Variants in GIT1 observed in about 807,000 individuals in gnomAD.
The protein encoded by GIT1 is ARF GTPase-activating protein GIT1.
Under a neutral mutation model 91.7 loss-of-function variants are expected in GIT1, and 14 were observed. The observed-to-expected ratio is 0.15, with a 90% CI of 0.10 to 0.24. The LOEUF (loss-of-function observed/expected upper bound fraction) is 0.24, where lower values mean the gene tolerates loss of function less well. GIT1 is among the 10% of genes least tolerant of loss of function. GIT1 has a pLI of 1.00. For synonymous variants in GIT1, 414 were observed against 418.2 expected (o/e 0.99, Z 0.12); for missense variants, 717 against 1,024.9 (o/e 0.70, Z 4.10).
At chr17:29,580,863 C>T (rs1222403671) in intron 7 of GIT1, among the ~76,000 whole-genome samples, 1 of 152,034 alleles carries the variant, frequency 6.6e-6, no homozygotes, top group African/African-American at 2.4e-5. Flanking sequence ...TCACCGCAAC[C>T]TCTACCTCCT....
intron 7 of GIT1, chr17:29,580,910 A>G: frequency 5.0e-6 from 1 of 199,714 alleles, no homozygotes; most frequent in Non-Finnish European, 1.1e-5. Context: ...CCTCCCGAGT[A>G]GCTGAGATAC....
intron 1 of GIT1, among the ~76,000 whole-genome samples, chr17:29,586,565 C>T (rs1421537257): frequency 1.3e-5 from 2 of 149,292 alleles, no homozygotes; most frequent in Admixed American, 1.3e-4. Context: ...GAAGAGGAGC[C>T]CAACATTTGT....
At chr17:29,582,573 A>T in intron 4 of GIT1, 125 bp downstream of exon 4, 1 of 678,960 alleles carries the variant, frequency 1.5e-6, no homozygotes. Context: ...CACCCTGTCT[A>T]CTGTTACCCT....
Position 29,573,591 on chromosome 17 carries a change from G to C in GIT1, c.*1111C>G, listed in dbSNP as rs2033066921. On this transcript the variant is annotated 3_prime_UTR_variant, in exon 20 of 20. Transcript: ENST00000225394. ...AAGAAGCGGGATGGGGAGAGAGCTG[G>C]TGGGTCCCACCGTCTGCCTCTCCAG... 6.6e-6 allele frequency: 1 copy of C among 152,634 alleles called. No homozygotes were observed. Among genetic ancestry groups the C allele is most frequent in the Non-Finnish European group, 1.5e-5 (1 of 68,176 alleles). 9.5% of individuals were successfully genotyped at this position (152,634 alleles called of 1,614,324 possible).
chr17:29,576,991 G>A lies in GIT1; in HGVS notation c.1099C>T (p.Leu367Phe), dbSNP rs760678265. 14 of 1,603,262 alleles carry A rather than the reference G, an allele frequency of 8.7e-6. No homozygotes were observed. The highest frequency in any genetic ancestry group is 3.3e-5 in the Admixed American group (2 of 59,952). ...GKSLSSPTDN[L>F]ELSLRSQSDL... ...CTCTGGCTCCGCAGAGACAGCTCGA[G>A]GTTGTCTGAGGACACAGGAGTGTCA... The change falls in exon 12 of 20, where the codon CTC (leucine) becomes TTC (phenylalanine). Residue 367 changes from leucine (L) to phenylalanine (F), a missense_variant. Physicochemically the swap from Leu to Phe is conservative, Grantham distance 22. Coordinates refer to ENST00000225394, the MANE Select transcript of GIT1 (RefSeq NM_014030.4).
rs753882434 is a variant in GIT1 at position 29,576,061 on chromosome 17, G to A, written c.1665+17C>T. ...AGAACCTACTGGCTAAGATGGACACGCCTTCCCCAGGCTTACCCGGTAAAG... is the reference window on the plus strand; with the variant it reads ...AGAACCTACTGGCTAAGATGGACACACCTTCCCCAGGCTTACCCGGTAAAG... On this transcript the variant is annotated intron_variant, in intron 15 of 19. Transcript: ENST00000225394. 84 of 1,612,570 alleles carry A rather than the reference G, an allele frequency of 5.2e-5. No individual in the cohort carries two copies. The African/African-American group carries it at 8.8e-4, about 17-fold the overall frequency.
In GIT1 at chr17:29,576,116, C is replaced by T. The variant is rs1166333111; in HGVS notation, c.1627G>A (p.Ala543Thr). ...PFHSTELEDD[A>T]IYSVHVPAGL... The stretch of plus-strand genomic sequence containing the variant: ...GCAGGGACGTGCACTGAATAGATGG[C>T]GTCGTCCTCTAGCTCCTGGGGATGT... Residue 543 changes from alanine to threonine, a missense_variant, in exon 15 of 20, where the codon GCC (alanine) becomes ACC (threonine). Physicochemically the swap from Ala to Thr is moderately conservative, Grantham distance 58. This residue lies in a region of GIT1 where 312 missense variants were observed against 349.5 expected (regional missense o/e 0.89). Transcript: ENST00000225394. The T allele has an allele frequency of 3.1e-6, 5 of 1,613,644 alleles. No individual in the cohort carries two copies. Among genetic ancestry groups the T allele is most frequent in the African/African-American group, 2.7e-5 (2 of 74,904 alleles).
rs567330346 is a variant in GIT1, at chr17:29,588,704, G to T, written c.52+623C>A. Among the ~76,000 whole-genome samples, 3 of 152,330 alleles carry T rather than the reference G, an allele frequency of 2.0e-5. No homozygotes were observed. In the South Asian group the frequency reaches 6.2e-4, roughly 32 times the overall value. ...CAGCAGGCCTGGGGATGCCTCCCGA[G>T]AAGACACCCGGGTCTAGACTGGCCC... On this transcript the variant is annotated intron_variant, in intron 1 of 19. Coordinates refer to ENST00000225394, the MANE Select transcript of GIT1 (RefSeq NM_014030.4).
rs760872380 is a variant in GIT1, at chr17:29,577,173, C to T, written c.1056G>A (p.Lys352=). 1.9e-6 allele frequency: 3 copies of T among 1,614,006 alleles called. No homozygotes were observed. Among genetic ancestry groups the T allele is most frequent in the Non-Finnish European group, 1.7e-6 (2 of 1,180,008 alleles). The change falls in exon 11 of 20, where the codon AAG becomes AAA. Residue 352 remains lysine, a synonymous_variant. Coordinates refer to ENST00000225394, the MANE Select transcript of GIT1 (RefSeq NM_014030.4). ...TCAGGCTCTTGCCCTGCTGTCTCCG[C>T]TTGGCCTCACTGAGAATGTCGATGA... ...TLIIDILSEA[K]RRQQGKSLSS... is the part of the protein sequence containing the mutation.
At chr17:29,577,862 A>G in intron 9 of GIT1, 120 bp from the exon 10 acceptor site, 1 of 684,216 alleles carries the variant, frequency 1.5e-6, no homozygotes, top group East Asian at 2.7e-5. Context: ...TGGTGTTCAG[A>G]ACAGGGGTGG....
rs2033478531 is a variant in GIT1 at position 29,583,592 on chromosome 17, C to T, written c.77G>A (p.Arg26Lys). ...GCACTCGTCACACACCAGCACACCC[C>T]TGCTGATGGATGCCCAGCCAGGGTC... ...APDPGWASIS[R>K]GVLVCDECCS... The change falls in exon 2 of 20, where the codon AGG becomes AAG. Residue 26 changes from arginine to lysine, a missense_variant. Arg to Lys is a conservative substitution (Grantham distance 26). Around this residue, in one of 3 missense-constraint regions of GIT1, gnomAD observed 271 missense variants for 451.6 expected, o/e 0.60. Coordinates refer to ENST00000225394, the MANE Select transcript of GIT1 (RefSeq NM_014030.4). 2 of 1,602,158 alleles carry T rather than the reference C, an allele frequency of 1.2e-6. No individual in the cohort carries two copies. Among genetic ancestry groups the T allele is most frequent in the Non-Finnish European group, 1.7e-6 (2 of 1,175,712 alleles).
At position 29,576,956 on chromosome 17, in the gene GIT1, G is replaced by T; in HGVS notation, c.1134C>A (p.Asp378Glu). Residue 378 changes from aspartate to glutamate, a missense_variant, in exon 12 of 20, where the codon GAC becomes GAA. Physicochemically the swap from Asp to Glu is conservative, Grantham distance 45. Around this residue, in one of 3 missense-constraint regions of GIT1, gnomAD observed 312 missense variants for 349.5 expected, o/e 0.89. Transcript: ENST00000225394. ...ELSLRSQSDL[D>E]DQHDYDSVAS... The stretch of plus-strand genomic sequence containing the variant: ...CCACGCTGTCGTAGTCGTGTTGGTC[G>T]TCGAGGTCACTCTGGCTCCGCAGAG... 6.2e-7 allele frequency: 1 copy of T among 1,600,188 alleles called. No individual in the cohort carries two copies.
At chr17:29,583,151 C>A (rs2033461309) in intron 2 of GIT1, 114 bp from the exon 3 acceptor site, 2 of 712,916 alleles carry the variant, frequency 2.8e-6, no homozygotes, top group Admixed American at 4.1e-5. Flanking sequence ...CCAAGGGGGC[C>A]TACTGTGTGC....
chr17:29,584,274 G>A (rs2033507328), intron 1 of GIT1, among the ~76,000 whole-genome samples: 1 of 152,258 alleles, frequency 6.6e-6, no homozygotes, highest in South Asian at 2.1e-4. Flanking sequence ...CTGTGATGAA[G>A]AAACAGTGGC....
chr17:29,575,514 G>C lies in GIT1; in HGVS notation c.1827-44C>G, dbSNP rs779992787. 6.3e-7 allele frequency: 1 copy of C among 1,576,632 alleles called. No homozygotes were observed. Among genetic ancestry groups the C allele is most frequent in the Non-Finnish European group, 8.6e-7 (1 of 1,156,282 alleles). On this transcript the variant is annotated intron_variant, in intron 17 of 19. Transcript: ENST00000225394. This position sits in a 1 kb window ranked among gnomAD's most constrained non-coding sequence, Gnocchi z 5.5. ...AAACAGAGACAAAGATACATATAGA[G>C]AAAGACACGTTCCAGCCTCGGAGCC...
chr17:29,581,525 G>A lies in GIT1; in HGVS notation c.719-145C>T. On this transcript the variant is annotated intron_variant, in intron 6 of 19. Coordinates refer to ENST00000225394, the MANE Select transcript of GIT1 (RefSeq NM_014030.4). The surrounding 1 kb of genome is among the most constrained non-coding windows in gnomAD (Gnocchi z 4.8). Reference sequence around the variant, plus strand: ...GGCAGGCCACCCCCAAGAATGCTGGGAGCTCGTGGGAGGATGCAGGATGCC... The same window carrying A: ...GGCAGGCCACCCCCAAGAATGCTGGAAGCTCGTGGGAGGATGCAGGATGCC... 1 of 736,608 alleles carries A rather than the reference G, an allele frequency of 1.4e-6. No individual in the cohort carries two copies. The highest frequency in any genetic ancestry group is 2.0e-5 in the Admixed American group (1 of 49,672). The allele number at this position is 736,608 out of a possible 1,614,324, so 45.6% of individuals were successfully genotyped here.
chr17:29,582,947 C>T lies in GIT1; in HGVS notation c.277G>A (p.Ala93Thr). The change falls in exon 3 of 20, where the codon GCC becomes ACC. Residue 93 changes from alanine to threonine, a missense_variant. By Grantham distance (58) the Ala-to-Thr change is moderately conservative. Around this residue, in one of 3 missense-constraint regions of GIT1, gnomAD observed 271 missense variants for 451.6 expected, o/e 0.60. Transcript: ENST00000225394. Reference sequence around the variant, plus strand: ...CACTGGACTTTGTCTTGGGGGTTGGCTTTACGCCGGCCGCTCTGCACTTGT... The same window carrying T: ...CACTGGACTTTGTCTTGGGGGTTGGTTTTACGCCGGCCGCTCTGCACTTGT... ...PAQVQSGRRK[A>T]NPQDKVHPIK... 2.5e-6 allele frequency: 4 copies of T among 1,611,888 alleles called. No individual in the cohort carries two copies. Among genetic ancestry groups the T allele is most frequent in the Non-Finnish European group, 3.4e-6 (4 of 1,179,280 alleles).
Position 29,589,141 on chromosome 17 carries a change from C to A in GIT1, c.52+186G>T, listed in dbSNP as rs2033711135. On this transcript the variant is annotated intron_variant, in intron 1 of 19. Transcript: ENST00000225394. The surrounding 1 kb of genome is among the most constrained non-coding windows in gnomAD (Gnocchi z 5.2). ...GTCCACGGCCTCCAGGGAGCATGGG[C>A]ACCCCAGGCCGGCCCTCCCGCCAAG... Among the ~76,000 whole-genome samples the A allele has an allele frequency of 6.6e-6, 1 of 151,974 alleles. No individual in the cohort carries two copies. The highest frequency in any genetic ancestry group is 6.5e-5 in the Admixed American group (1 of 15,270).
Position 29,575,653 on chromosome 17 carries a change from C to T in GIT1, c.1803G>A (p.Thr601=), listed in dbSNP as rs934581126. The change falls in exon 17 of 20, where the codon ACG becomes ACA. Residue 601 remains threonine, a synonymous_variant. Transcript: ENST00000225394. The surrounding 1 kb of genome is among the most constrained non-coding windows in gnomAD (Gnocchi z 5.5). ...GSGADSDYEN[T]QSGDPLLGLE... ...ACCCCAGCAGTGGGTCCCCACTTTG[C>T]GTGTTCTCATAGTCACTGTCGGCTC... 11 of 1,612,180 alleles carry T rather than the reference C, an allele frequency of 6.8e-6. No homozygotes were observed. Among genetic ancestry groups the T allele is most frequent in the East Asian group, 2.2e-5 (1 of 44,884 alleles).
Sources: allele counts gnomAD v4.1 joint callset (sites outside exome capture counted in the v4.1 genomes callset), GRCh38; gene constraint gnomAD v4.1.1; regional missense constraint gnomAD v4.1.1; non-coding constraint Gnocchi (gnomAD v3.1); transcripts MANE v1.5; gene names NCBI Gene and HGNC (gene_info 2026-07-23, HGNC 2026-07-21).